SNTB1: variants seen among roughly 807,000 people sequenced by gnomAD.
The protein encoded by SNTB1 is beta-1-syntrophin.
Under a neutral mutation model 48.9 loss-of-function variants are expected in SNTB1, and 36 were observed. That is an observed-to-expected ratio of 0.74 (90% CI 0.56 to 0.97). The LOEUF (loss-of-function observed/expected upper bound fraction) is 0.97. Ranked by LOEUF, SNTB1 falls within the 50% of genes least tolerant of loss-of-function variation. SNTB1 has a pLI of 0.00. For missense variants in SNTB1, 786 were observed against 703.4 expected, an observed-to-expected ratio of 1.12 and a Z score of -1.33; for synonymous variants, 299 against 294.6, an observed-to-expected ratio of 1.01 and a Z score of -0.15.
At chr8:120,697,870 C>T (rs953715351) in intron 1 of SNTB1, among the ~76,000 whole-genome samples, 1 of 151,796 alleles carries the variant, frequency 6.6e-6, no homozygotes, top group African/African-American at 2.4e-5. Flanking sequence ...GTAATATTAC[C>T]AGAATTGAAA....
intron 2 of SNTB1, among the ~76,000 whole-genome samples, chr8:120,645,666 T>G (rs370631592): frequency 0.14 from 16,549 of 115,382 alleles, 738 homozygotes; most frequent in Middle Eastern, 0.19. Flanking sequence ...TGGTTCCATA[T>G]GAACTTTAAA....
intron 2 of SNTB1, among the ~76,000 whole-genome samples, chr8:120,681,224 G>T (rs1156411427): frequency 6.6e-6 from 1 of 152,084 alleles, no homozygotes; most frequent in Non-Finnish European, 1.5e-5. Context: ...ATTATGCAAG[G>T]ATTCTCTTCG....
At chr8:120,726,254 C>A (rs1818754129) in intron 1 of SNTB1, among the ~76,000 whole-genome samples, 1 of 152,112 alleles carries the variant, frequency 6.6e-6, no homozygotes, top group African/African-American at 2.4e-5. Context: ...ATTTAAAAAC[C>A]TGAATATTAT....
At chr8:120,775,327 A>C (rs1302929370) in intron 1 of SNTB1, 1 of 152,156 alleles carries the variant, frequency 6.6e-6, no homozygotes, top group Admixed American at 6.5e-5. Context: ...CATCCTGGTG[A>C]TCCCAGCTTC....
intron 1 of SNTB1, among the ~76,000 whole-genome samples, chr8:120,785,202 C>T (rs571495214): frequency 1.3e-5 from 2 of 152,282 alleles, no homozygotes; most frequent in East Asian, 3.9e-4. Context: ...ACCCTATGAC[C>T]AGAACCATTG....
At chr8:120,707,742 C>T (rs754969197) in intron 1 of SNTB1, among the ~76,000 whole-genome samples, 13 of 151,978 alleles carry the variant, frequency 8.6e-5, no homozygotes, top group Admixed American at 2.6e-4. Flanking sequence ...GAATTTGATC[C>T]CACATCTTAT....
intron 1 of SNTB1, among the ~76,000 whole-genome samples, chr8:120,810,158 C>T (rs1820401157): frequency 6.6e-6 from 1 of 152,176 alleles, no homozygotes; most frequent in African/African-American, 2.4e-5. Context: ...AAGAGAGACT[C>T]ACCACTAAAT....
In SNTB1 at chr8:120,535,907, C is replaced by T. The variant is rs1032466051; in HGVS notation, c.*2970G>A. The T allele has an allele frequency of 1.3e-5, 2 of 152,106 alleles. No homozygotes were observed. The highest frequency in any genetic ancestry group is 4.8e-5 in the African/African-American group (2 of 41,422). 9.4% of individuals were successfully genotyped at this position (152,106 alleles called of 1,614,324 possible). On this transcript the variant is annotated 3_prime_UTR_variant, in exon 7 of 7. Coordinates refer to ENST00000517992, the MANE Select transcript of SNTB1 (RefSeq NM_021021.4). ...AATCCCCTCAAGACGGAATATCTAACGTGTTTGGAAAACAGGGTCCAGAAA... is the reference window on the plus strand; with the variant it reads ...AATCCCCTCAAGACGGAATATCTAATGTGTTTGGAAAACAGGGTCCAGAAA...
At chr8:120,782,170 A>C (rs1324527194) in intron 1 of SNTB1, among the ~76,000 whole-genome samples, 1 of 152,040 alleles carries the variant, frequency 6.6e-6, no homozygotes, top group Non-Finnish European at 1.5e-5. Flanking sequence ...GTGTGTTCAA[A>C]TTTCCCCTTT....
intron 2 of SNTB1, among the ~76,000 whole-genome samples, chr8:120,685,597 T>C (rs1044191348): frequency 1.3e-5 from 2 of 152,130 alleles, no homozygotes; most frequent in Non-Finnish European, 2.9e-5. Context: ...GCCTTCAGGG[T>C]CATTCTTCCA....
At chr8:120,573,135 C>G (rs768650878) in intron 4 of SNTB1, among the ~76,000 whole-genome samples, 12 of 152,156 alleles carry the variant, frequency 7.9e-5, no homozygotes, top group Non-Finnish European at 1.6e-4. Flanking sequence ...ATTTTACATT[C>G]CTATCAACAG....
At chr8:120,753,966 C>A (rs61087167) in intron 1 of SNTB1, among the ~76,000 whole-genome samples, 4,482 of 152,228 alleles carry the variant, frequency 0.029, 209 homozygotes, top group African/African-American at 0.1. Context: ...TACATTCATT[C>A]TAATTTGTCT....
chr8:120,546,238 G>A (rs186863158), intron 5 of SNTB1, among the ~76,000 whole-genome samples: 7 of 152,332 alleles, frequency 4.6e-5, no homozygotes, highest in South Asian at 2.1e-4. Flanking sequence ...ATGAATGTCC[G>A]CAGGAGACCT....
chr8:120,693,705 C>A lies in SNTB1; in HGVS notation c.775G>T (p.Asp259Tyr). The change falls in exon 2 of 7, where the codon GAC becomes TAC. Residue 259 changes from aspartate (D) to tyrosine (Y), a missense_variant. Transcript: ENST00000517992. Reference protein sequence around the residue: ...CYVTRSMALADPENRQLEIHS... With the variant: ...CYVTRSMALAYPENRQLEIHS... ...GACCCTATTTACCTGTTCTCAGGGT[C>A]GGCCAAGGCCATACTCCGAGTGACG... 6.2e-7 allele frequency: 1 copy of A among 1,613,784 alleles called. No individual in the cohort carries two copies. The highest frequency in any genetic ancestry group is 1.1e-5 in the South Asian group (1 of 91,030).
chr8:120,752,368 T>C (rs1004302453), intron 1 of SNTB1, among the ~76,000 whole-genome samples: 5 of 152,158 alleles, frequency 3.3e-5, no homozygotes, highest in African/African-American at 1.2e-4. Flanking sequence ...AACATCAATT[T>C]CCTCTTCAGT....
At chr8:120,739,949 T>G (rs1284312696) in intron 1 of SNTB1, among the ~76,000 whole-genome samples, 1 of 152,178 alleles carries the variant, frequency 6.6e-6, no homozygotes, top group Non-Finnish European at 1.5e-5. Context: ...CTGGCATGAT[T>G]AAAAATGGCA....
chr8:120,640,521 T>C (rs1817173439), intron 2 of SNTB1, among the ~76,000 whole-genome samples: 1 of 152,186 alleles, frequency 6.6e-6, no homozygotes, highest in Admixed American at 6.5e-5. Flanking sequence ...GGGTTTGTCA[T>C]AAATAGCTCT....
chr8:120,709,107 G>A lies in SNTB1; in HGVS notation c.572-15199C>T, dbSNP rs570476094. On this transcript the variant is annotated intron_variant, in intron 1 of 6. Transcript: ENST00000517992. ...GGAAGGGAGGAAAGGAAGGAGGGAG[G>A]GAGAAAGAGAGGGAGGGAAGGAGGA... Among the ~76,000 whole-genome samples, 17 of 152,156 alleles carry A rather than the reference G, an allele frequency of 1.1e-4. No homozygotes were observed. The South Asian group carries it at 3.5e-3, about 32-fold the overall frequency.
chr8:120,621,148 C>T (rs916923097), intron 3 of SNTB1, among the ~76,000 whole-genome samples: 8 of 151,800 alleles, frequency 5.3e-5, no homozygotes, highest in African/African-American at 1.5e-4. Context: ...TCAGTAGAGA[C>T]GAGGTTTCAC....
Sources: gnomAD v4.1 joint callset for allele counts (sites outside exome capture counted in the v4.1 genomes callset) on GRCh38, gnomAD v4.1.1 for gene constraint, MANE v1.5 for transcripts, NCBI Gene and HGNC (gene_info 2026-07-23, HGNC 2026-07-21) for gene names.